Variants in SDCBP observed in about 807,000 individuals in gnomAD.
The protein encoded by SDCBP is syndecan binding protein, also known as syntenin-1.
Under a neutral mutation model 30.5 loss-of-function variants are expected in SDCBP, and 22 were observed. That is an observed-to-expected ratio of 0.72 (90% CI 0.52 to 1.03). The LOEUF (loss-of-function observed/expected upper bound fraction) is 1.03. Among genes scored for constraint, SDCBP ranks in the 50% least tolerant of loss-of-function variants. SDCBP has a pLI of 0.00. For synonymous variants in SDCBP, 103 were observed against 118.7 expected, an observed-to-expected ratio of 0.87 and a Z score of 0.86; for missense variants, 304 against 369.9, an observed-to-expected ratio of 0.82 and a Z score of 1.46.
chr8:58,561,333 T>G (rs565904959), intron 1 of SDCBP: 1 of 154,354 alleles, frequency 6.5e-6, no homozygotes, highest in East Asian at 1.9e-4. Flanking sequence ...TGGCCAAAAC[T>G]TCCCAAACTG....
intron 2 of SDCBP, among the ~76,000 whole-genome samples, chr8:58,565,576 A>C (rs1205734490): frequency 2.0e-5 from 3 of 152,102 alleles, no homozygotes; most frequent in Non-Finnish European, 4.4e-5. Flanking sequence ...TTGAGAGATG[A>C]GCAGCAGACA....
At chr8:58,578,248 T>C in intron 6 of SDCBP, 40 bp downstream of exon 6, 2 of 1,426,652 alleles carry the variant, frequency 1.4e-6, no homozygotes, top group Non-Finnish European at 1.9e-6. Flanking sequence ...AATTCAATAC[T>C]AGTTTTCCAT....
At chr8:58,567,907 A>C (rs1414873989) in intron 2 of SDCBP, among the ~76,000 whole-genome samples, 1 of 152,188 alleles carries the variant, frequency 6.6e-6, no homozygotes, top group Non-Finnish European at 1.5e-5. Flanking sequence ...AAAATGGTAC[A>C]TCTGTATAAG....
chr8:58,559,133 A>G (rs1421868940), intron 1 of SDCBP, among the ~76,000 whole-genome samples: 1 of 152,218 alleles, frequency 6.6e-6, no homozygotes, highest in African/African-American at 2.4e-5. Flanking sequence ...TGGTGTGTGA[A>G]TTAACTCAAG....
At chr8:58,579,997 A>G in intron 7 of SDCBP, 1 of 443,376 alleles carries the variant, frequency 2.3e-6, no homozygotes, top group Non-Finnish European at 4.0e-6. Context: ...GCTGGAATAA[A>G]TGATCTCAGA....
In SDCBP at chr8:58,572,186, T is replaced by G. The variant is rs368828670; in HGVS notation, c.131-19T>G. The G allele has an allele frequency of 6.8e-7, 1 of 1,471,952 alleles. No individual in the cohort carries two copies. Among genetic ancestry groups the G allele is most frequent in the African/African-American group, 1.4e-5 (1 of 71,946 alleles). 91.2% of individuals were successfully genotyped at this position (1,471,952 alleles called of 1,614,324 possible). A position where few individuals can be genotyped will look rare whatever the true frequency, so the allele number is the denominator to read the frequency against. On this transcript the variant is annotated intron_variant, in intron 3 of 8. Transcript: ENST00000260130. ...GTGTATTCTGTAAGTGCTTTTTAAT[T>G]TATTCATTTACTTTTTAGATCTCTA...
In SDCBP at chr8:58,572,248, G is replaced by A. The variant is rs774862550; in HGVS notation, c.174G>A (p.Gly58=). The A allele has an allele frequency of 9.9e-6, 16 of 1,611,960 alleles. No homozygotes were observed. In the African/African-American group the frequency reaches 1.1e-4, roughly 11 times the overall value. ...RLYPELSQYM[G]LSLNEEEIRA... ...ATCCAGAGCTCTCTCAATACATGGGGCTGAGTTTAAATGAAGAAGAAATAC... is the reference window on the plus strand; with the variant it reads ...ATCCAGAGCTCTCTCAATACATGGGACTGAGTTTAAATGAAGAAGAAATAC... Residue 58 remains glycine (G), a synonymous_variant, in exon 4 of 9, where the codon GGG becomes GGA. Transcript: ENST00000260130.
At chr8:58,572,074 T>G (rs1196909193) in intron 3 of SDCBP, 131 bp from the exon 4 acceptor site, 1 of 592,698 alleles carries the variant, frequency 1.7e-6, no homozygotes, top group Non-Finnish European at 3.0e-6. Flanking sequence ...CTTTCCAAAT[T>G]GCTACTTTAA....
chr8:58,579,901 G>T (rs1805586969), intron 7 of SDCBP, 107 bp downstream of exon 7: 1 of 1,042,388 alleles, frequency 9.6e-7, no homozygotes, highest in Non-Finnish European at 1.4e-6. Flanking sequence ...TGGGAGATGG[G>T]GAACGTGGGG....
rs773398111 is a variant in SDCBP, at chr8:58,578,223, A to T, written c.578+15A>T. 2 of 1,488,240 alleles carry T rather than the reference A, an allele frequency of 1.3e-6. No individual in the cohort carries two copies. The highest frequency in any genetic ancestry group is 2.9e-5 in the African/African-American group (2 of 69,412). The allele number at this position is 1,488,240 out of a possible 1,614,324, so 92.2% of individuals were successfully genotyped here. ...ATTCGTGACAGGTAAGCTGTTACTAAACAGCTCAAATGAAAATTCAATACT... is the reference window on the plus strand; with the variant it reads ...ATTCGTGACAGGTAAGCTGTTACTATACAGCTCAAATGAAAATTCAATACT... On this transcript the variant is annotated intron_variant, in intron 6 of 8. Transcript: ENST00000260130.
chr8:58,577,975 C>A, intron 5 of SDCBP, 58 bp from the exon 6 acceptor site: 1 of 1,285,422 alleles, frequency 7.8e-7, no homozygotes, highest in Non-Finnish European at 1.1e-6. Context: ...AATTTTCCAG[C>A]GTTTAAAACC....
Position 58,580,628 on chromosome 8 carries a change from A to G in SDCBP, c.842+20A>G, listed in dbSNP as rs773697690. Reference sequence around the variant, plus strand: ...TAAGCGGTAAGTAAACAATTCCTCAACTTAATGCATATGGTCATGTGACTT... The same window carrying G: ...TAAGCGGTAAGTAAACAATTCCTCAGCTTAATGCATATGGTCATGTGACTT... On this transcript the variant is annotated intron_variant, in intron 8 of 8. Transcript: ENST00000260130. 3.3e-6 allele frequency: 4 copies of G among 1,194,648 alleles called. No homozygotes were observed. Among genetic ancestry groups the G allele is most frequent in the Non-Finnish European group, 5.0e-6 (4 of 798,564 alleles). The allele number at this position is 1,194,648 out of a possible 1,614,324, so 74.0% of individuals were successfully genotyped here.
In SDCBP at chr8:58,578,077, G is replaced by A. The variant is rs774100112; in HGVS notation, c.447G>A (p.Leu149=). The part of the protein sequence containing the change: ...QLVQANSPAS[L]VGLRFGDQVL... ...TCCAGGCTAATTCTCCAGCCTCATTGGTTGGTCTGAGATTTGGGGACCAAG... is the reference window on the plus strand; with the variant it reads ...TCCAGGCTAATTCTCCAGCCTCATTAGTTGGTCTGAGATTTGGGGACCAAG... Residue 149 remains leucine, a synonymous_variant, in exon 6 of 9, where the codon TTG becomes TTA. Transcript: ENST00000260130. The A allele has an allele frequency of 5.0e-6, 8 of 1,613,734 alleles. No homozygotes were observed. The South Asian group carries it at 8.8e-5, about 18-fold the overall frequency.
At position 58,581,857 on chromosome 8, in the gene SDCBP, T is replaced by C. The variant is rs1402595230; in HGVS notation, c.*117T>C. ...GCGAGCATATGCTGCATGAGGACCT[T>C]TCTATCTTACATTATGGCTGGGAAT... On this transcript the variant is annotated 3_prime_UTR_variant, in exon 9 of 9. Coordinates refer to ENST00000260130, the MANE Select transcript of SDCBP (RefSeq NM_005625.4). 2 of 779,548 alleles carry C rather than the reference T, an allele frequency of 2.6e-6. No homozygotes were observed. Among genetic ancestry groups the C allele is most frequent in the Non-Finnish European group, 4.5e-6 (2 of 445,332 alleles). The allele number at this position is 779,548 out of a possible 1,614,324, so 48.3% of individuals were successfully genotyped here.
intron 8 of SDCBP, among the ~76,000 whole-genome samples, 157 bp from the exon 9 acceptor site, chr8:58,581,529 T>G (rs1805679980): frequency 6.6e-6 from 1 of 152,336 alleles, no homozygotes; most frequent in South Asian, 2.1e-4. Context: ...TTACCAGAGA[T>G]GCTTCTGGAC....
At chr8:58,575,840 C>A in intron 4 of SDCBP, 60 bp from the exon 5 acceptor site, 3 of 1,398,860 alleles carry the variant, frequency 2.1e-6, no homozygotes, top group Non-Finnish European at 3.0e-6. Flanking sequence ...AGTTAATTAT[C>A]ATTGTTTTTT....
intron 4 of SDCBP, among the ~76,000 whole-genome samples, chr8:58,574,366 TATACAA>T (rs1356690146): frequency 5.3e-5 from 8 of 152,132 alleles, no homozygotes; most frequent in Admixed American, 5.2e-4. Flanking sequence ...TTACAGAAAA[TATACAA>T]ATACAAAGAA....
intron 4 of SDCBP, among the ~76,000 whole-genome samples, 158 bp from the exon 5 acceptor site, chr8:58,575,742 G>A (rs1266918137): frequency 6.6e-6 from 1 of 152,186 alleles, no homozygotes; most frequent in Non-Finnish European, 1.5e-5. Flanking sequence ...TAGTAGTAGA[G>A]CCAGTGCCAT....
At position 58,581,754 on chromosome 8, in the gene SDCBP, A is replaced by G; in HGVS notation, c.*14A>G. ...CCTGAGGTTTAAAATTCACGGCACC[A>G]TGGAAATGTAGCTGAACGTCTCCAG... On this transcript the variant is annotated 3_prime_UTR_variant, in exon 9 of 9. Coordinates refer to ENST00000260130, the MANE Select transcript of SDCBP (RefSeq NM_005625.4). 5 of 1,609,402 alleles carry G rather than the reference A, an allele frequency of 3.1e-6. No individual in the cohort carries two copies. The highest frequency in any genetic ancestry group is 2.2e-5 in the South Asian group (2 of 90,950).
Sources: gnomAD v4.1 joint callset for allele counts (sites outside exome capture counted in the v4.1 genomes callset) on GRCh38, gnomAD v4.1.1 for gene constraint, MANE v1.5 for transcripts, NCBI Gene and HGNC (gene_info 2026-07-23, HGNC 2026-07-21) for gene names.